Variants in MICAL2 observed in about 807,000 individuals in gnomAD.
The protein encoded by MICAL2 is microtubule associated monooxygenase, calponin and LIM domain containing 2, also known as [F-actin]-monooxygenase MICAL2.
A neutral mutation model predicts 127.3 loss-of-function variants in MICAL2; 77 were observed. That is an observed-to-expected ratio of 0.60 (90% CI 0.50 to 0.73). MICAL2 has a LOEUF of 0.73. Among genes scored for constraint, MICAL2 ranks in the 30% least tolerant of loss-of-function variants. MICAL2 has a pLI of 0.00. For missense variants in MICAL2, 1,351 were observed against 1,434.4 expected, an observed-to-expected ratio of 0.94 and a Z score of 0.94; for synonymous variants, 570 against 551.1, an observed-to-expected ratio of 1.03 and a Z score of -0.48.
intron 32 of MICAL2, among the ~76,000 whole-genome samples, chr11:12,339,666 G>A (rs1391472027): frequency 6.6e-6 from 1 of 152,206 alleles, no homozygotes; most frequent in African/African-American, 2.4e-5. Context: ...CCTTCTAACA[G>A]TCAGGACCCT....
At chr11:12,191,971 G>C (rs1026820332) in intron 3 of MICAL2, among the ~76,000 whole-genome samples, 4 of 151,974 alleles carry the variant, frequency 2.6e-5, no homozygotes, top group Admixed American at 2.6e-4. Flanking sequence ...GGACCAGCAA[G>C]GAGCTCCCTT....
At chr11:12,202,565 C>T (rs562178657) in intron 3 of MICAL2, among the ~76,000 whole-genome samples, 2 of 152,206 alleles carry the variant, frequency 1.3e-5, no homozygotes, top group Non-Finnish European at 2.9e-5. Flanking sequence ...TAAAGACTCT[C>T]CTCTGTGAAA....
At chr11:12,192,476 A>G (rs1472836779) in intron 3 of MICAL2, among the ~76,000 whole-genome samples, 2 of 152,150 alleles carry the variant, frequency 1.3e-5, no homozygotes, top group African/African-American at 4.8e-5. Context: ...TTTCACTTAA[A>G]CGATTTCTCC....
At position 12,154,874 on chromosome 11, in the gene MICAL2, T is replaced by C. The variant is rs1307629263; in HGVS notation, c.-77-7205T>C. Among the ~76,000 whole-genome samples, 5 of 152,266 alleles carry C rather than the reference T, an allele frequency of 3.3e-5. No individual in the cohort carries two copies. The South Asian group carries it at 6.2e-4, about 19-fold the overall frequency. On this transcript the variant is annotated intron_variant, in intron 2 of 27. Coordinates refer to ENST00000683283, the MANE Select transcript of MICAL2 (RefSeq NM_001282663.2). Reference sequence around the variant, plus strand: ...GAAAAGGAAGACCATACTATTTCTGTATATATGGCTCATATGGACTGGGGC... The same window carrying C: ...GAAAAGGAAGACCATACTATTTCTGCATATATGGCTCATATGGACTGGGGC...
At chr11:12,240,995 A>G in intron 17 of MICAL2, 45 bp from the exon 18 acceptor site, 1 of 1,604,036 alleles carries the variant, frequency 6.2e-7, no homozygotes, top group South Asian at 1.1e-5. Context: ...CTTTTCCTTC[A>G]TGTCTCCTGT....
Position 12,209,489 on chromosome 11 carries a change from C to T in MICAL2, c.590-8C>T. The T allele has an allele frequency of 4.4e-6, 7 of 1,604,924 alleles. No homozygotes were observed. The highest frequency in any genetic ancestry group is 2.2e-5 in the East Asian group (1 of 44,842). ...CTGCCAACTCATCTCATTTCTCTGT[C>T]CTGGTAGAAATTGGCTGGCGGGCAG... On this transcript the variant is annotated splice_region_variant and splice_polypyrimidine_tract_variant and intron_variant, in intron 5 of 27. Coordinates refer to ENST00000683283, the MANE Select transcript of MICAL2 (RefSeq NM_001282663.2).
intron 15 of MICAL2, among the ~76,000 whole-genome samples, chr11:12,228,660 GA>G (rs1857798242): frequency 6.6e-6 from 1 of 152,192 alleles, no homozygotes; most frequent in African/African-American, 2.4e-5. Context: ...CAGGCAGTTG[GA>G]AAGTCAGAGA....
chr11:12,283,371 G>A (rs189930159), intron 2 of MICAL2, among the ~76,000 whole-genome samples: 59 of 145,950 alleles, frequency 4.0e-4, no homozygotes, highest in Admixed American at 8.9e-4. Flanking sequence ...AAGACTCTAC[G>A]TTGGTCCAGC....
At chr11:12,267,636 G>A (rs1396398595), downstream of MICAL2, among the ~76,000 whole-genome samples, 1 of 152,160 alleles carries the variant, frequency 6.6e-6, no homozygotes, top group African/African-American at 2.4e-5. Context: ...TTTTGAGACA[G>A]TGTCTTACTC....
At chr11:12,115,129 C>T (rs1249914843) in intron 1 of MICAL2, among the ~76,000 whole-genome samples, 3 of 152,240 alleles carry the variant, frequency 2.0e-5, no homozygotes, top group Non-Finnish European at 4.4e-5. Flanking sequence ...CTTCAAATCA[C>T]TATTCATCCA....
rs577173064 is a variant in MICAL2 at position 12,137,276 on chromosome 11, T to C, written c.-148-1114T>C. Among the ~76,000 whole-genome samples the C allele has an allele frequency of 1.3e-4, 7 of 53,778 alleles. 1 individual carries two copies. The South Asian group carries it at 4.4e-3, about 34-fold the overall frequency. 35.3% of individuals were successfully genotyped at this position (53,778 alleles called of 152,430 possible). A position where few individuals can be genotyped will look rare whatever the true frequency, so the allele number is the denominator to read the frequency against. On this transcript the variant is annotated intron_variant, in intron 1 of 27. Transcript: ENST00000683283. Reference sequence around the variant, plus strand: ...GAGCTCGCCAGGCTCGCCCGGTGTGTGGGCCCACCAGGACTAAATCAGAGT... The same window carrying C: ...GAGCTCGCCAGGCTCGCCCGGTGTGCGGGCCCACCAGGACTAAATCAGAGT...
intron 33 of MICAL2, among the ~76,000 whole-genome samples, chr11:12,354,558 G>A (rs6485679): frequency 0.78 from 117,914 of 151,498 alleles, 47,768 homozygotes; most frequent in East Asian, 0.93. Context: ...GAATCACTTG[G>A]ACCTGGGGGG....
At chr11:12,242,598 C>T (rs1447980353) in intron 19 of MICAL2, 73 bp from the exon 20 acceptor site, 12 of 1,501,000 alleles carry the variant, frequency 8.0e-6, no homozygotes, top group South Asian at 3.4e-5. Flanking sequence ...CCCTCACCCA[C>T]TTCTTGGAAG....
At chr11:12,330,900 A>AGAGAGAGAGTGTGTGTGTGT (rs1238311364) in intron 32 of MICAL2, among the ~76,000 whole-genome samples, 1 of 119,348 alleles carries the variant, frequency 8.4e-6, no homozygotes, top group Non-Finnish European at 1.8e-5. Flanking sequence ...AGAGAGAGAG[A>AGAGAGAGAGTGTGTGTGTGT]GTGTGTGTGT....
rs556941776 is a variant in MICAL2, at chr11:12,222,777, T to G, written c.1449+34T>G. 1.5e-5 allele frequency: 24 copies of G among 1,613,530 alleles called. No homozygotes were observed. In the South Asian group the frequency reaches 2.5e-4, roughly 17 times the overall value. ...ATTGCTGGGGCTCTGTCTGAATCAC[T>G]CTGCACTGAACAGTGGGAAGAGGTG... On this transcript the variant is annotated intron_variant, in intron 11 of 27. Coordinates refer to ENST00000683283, the MANE Select transcript of MICAL2 (RefSeq NM_001282663.2).
intron 3 of MICAL2, among the ~76,000 whole-genome samples, chr11:12,201,895 G>T (rs1445086422): frequency 6.6e-6 from 1 of 152,166 alleles, no homozygotes; most frequent in African/African-American, 2.4e-5. Flanking sequence ...AAGGCGGGCA[G>T]ATCACCTGAG....
chr11:12,163,970 G>T (rs1479853436), intron 3 of MICAL2, among the ~76,000 whole-genome samples: 2 of 152,054 alleles, frequency 1.3e-5, no homozygotes, highest in African/African-American at 4.8e-5. Context: ...ATTAGGGAAT[G>T]CTATTGCCCC....
chr11:12,233,514 C>G (rs957484925), intron 15 of MICAL2, among the ~76,000 whole-genome samples: 2 of 152,206 alleles, frequency 1.3e-5, no homozygotes, highest in Non-Finnish European at 2.9e-5. Flanking sequence ...GAGCTAAAAT[C>G]ACATTAACTC....
chr11:12,124,794 C>T (rs1217927561), intron 1 of MICAL2, among the ~76,000 whole-genome samples: 1 of 152,214 alleles, frequency 6.6e-6, no homozygotes, highest in Non-Finnish European at 1.5e-5. Flanking sequence ...CTTCCTCCAC[C>T]TCGCATCTAG....
Sources: allele counts gnomAD v4.1 joint callset (sites outside exome capture counted in the v4.1 genomes callset), GRCh38; gene constraint gnomAD v4.1.1; transcripts MANE v1.5; gene names NCBI Gene and HGNC (gene_info 2026-07-23, HGNC 2026-07-21).